F13A1: variants seen among roughly 807,000 people sequenced by gnomAD.
The protein encoded by F13A1 is FSF, A subunit.
Under a neutral mutation model 80.1 loss-of-function variants are expected in F13A1, and 47 were observed. The observed-to-expected ratio is 0.59, with a 90% CI of 0.46 to 0.75. The LOEUF (loss-of-function observed/expected upper bound fraction) is 0.75. Among genes scored for constraint, F13A1 ranks in the 30% least tolerant of loss-of-function variants. The probability of loss-of-function intolerance (pLI) is 0.00; values close to 1 mark genes in which losing one functional copy is unlikely to be tolerated. For missense variants in F13A1, 817 were observed against 930.4 expected (o/e 0.88, Z 1.59); for synonymous variants, 349 against 344.9 (o/e 1.01, Z -0.13).
chr6:6,282,045 G>A (rs370310206), intron 3 of F13A1, among the ~76,000 whole-genome samples: 8 of 151,788 alleles, frequency 5.3e-5, no homozygotes, highest in African/African-American at 1.9e-4. Context: ...CATGAATCAG[G>A]GGTCACCATA....
intron 11 of F13A1, among the ~76,000 whole-genome samples, chr6:6,180,413 T>G (rs150514014): frequency 6.6e-6 from 1 of 151,848 alleles, no homozygotes; most frequent in African/African-American, 2.4e-5. Flanking sequence ...GGGCTGTACA[T>G]GTATCCAGCT....
At chr6:6,189,647 G>T (rs1167238469) in intron 10 of F13A1, among the ~76,000 whole-genome samples, 4 of 142,956 alleles carry the variant, frequency 2.8e-5, no homozygotes. Context: ...CTCTCTGGCT[G>T]CCCTTAACAT....
intron 13 of F13A1, among the ~76,000 whole-genome samples, chr6:6,160,275 TA>T (rs375144806): frequency 1.0e-3 from 144 of 140,474 alleles, no homozygotes; most frequent in Non-Finnish European, 1.1e-3. Context: ...AGACTCCATC[TA>T]AAAAAAAAAA....
intron 12 of F13A1, among the ~76,000 whole-genome samples, chr6:6,173,794 G>A (rs1381410991): frequency 1.3e-5 from 2 of 152,026 alleles, no homozygotes; most frequent in African/African-American, 4.8e-5. Context: ...TCCTAACTTG[G>A]GCGAGAGGCA....
At chr6:6,265,332 G>A (rs1757829619) in intron 4 of F13A1, among the ~76,000 whole-genome samples, 1 of 152,152 alleles carries the variant, frequency 6.6e-6, no homozygotes, top group Admixed American at 6.5e-5. Flanking sequence ...GAAGTCTCCT[G>A]CCCCATGTGA....
At chr6:6,233,220 AAGAG>A (rs1006118814) in intron 6 of F13A1, among the ~76,000 whole-genome samples, 6 of 152,260 alleles carry the variant, frequency 3.9e-5, no homozygotes, top group African/African-American at 1.4e-4. Context: ...ATTAACCAAA[AAGAG>A]AGAAAATCCA....
rs1760361953 is a variant in F13A1 at position 6,150,880 on chromosome 6, G to A, written c.2045+933C>T. ...GAGAGAGAGAGCTGAAACCATGTTA[G>A]AGGAGAGGGAAATAAAGTCAGGACA... On this transcript the variant is annotated intron_variant, in intron 14 of 14. Transcript: ENST00000264870. Among the ~76,000 whole-genome samples, 3 of 152,274 alleles carry A rather than the reference G, an allele frequency of 2.0e-5. No homozygotes were observed. In the South Asian group the frequency reaches 6.2e-4, roughly 32 times the overall value.
At chr6:6,316,107 A>G (rs1218360666) in intron 2 of F13A1, among the ~76,000 whole-genome samples, 14 of 45,228 alleles carry the variant, frequency 3.1e-4, no homozygotes, top group South Asian at 7.0e-4. Context: ...ATATATATAT[A>G]TATATATATA....
chr6:6,301,439 A>G (rs1290540370), intron 3 of F13A1, among the ~76,000 whole-genome samples: 6 of 152,240 alleles, frequency 3.9e-5, no homozygotes, highest in East Asian at 1.9e-4. Context: ...TGTGTGACCT[A>G]TAATAGAAAA....
chr6:6,188,146 C>T (rs114838150), intron 10 of F13A1, among the ~76,000 whole-genome samples: 1,841 of 152,168 alleles, frequency 0.012, 47 homozygotes, highest in African/African-American at 0.042. Flanking sequence ...TGCGGTCTAT[C>T]AGTTTTGTTG....
intron 3 of F13A1, among the ~76,000 whole-genome samples, chr6:6,270,720 G>A (rs1757909241): frequency 6.6e-6 from 1 of 152,188 alleles, no homozygotes. Context: ...GTGGAGGAAG[G>A]TGGAGAATGG....
At chr6:6,151,675 C>T in intron 14 of F13A1, 138 bp downstream of exon 14, 2 of 1,210,012 alleles carry the variant, frequency 1.7e-6, no homozygotes, top group Non-Finnish European at 2.4e-6. Flanking sequence ...CCACGCCCTA[C>T]AGAAATGGTC....
rs115773780 is a variant in F13A1 at position 6,162,559 on chromosome 6, G to C, written c.1908+4899C>G. On this transcript the variant is annotated intron_variant, in intron 13 of 14. Coordinates refer to ENST00000264870, the MANE Select transcript of F13A1 (RefSeq NM_000129.4). This position sits in a 1 kb window ranked among gnomAD's most constrained non-coding sequence, Gnocchi z 4.2. ...TGTAGCCCAGCGGCTGCCAGCACAGGCTTCCAAGTCAGGAAGACCTGGGCC... is the reference window on the plus strand; with the variant it reads ...TGTAGCCCAGCGGCTGCCAGCACAGCCTTCCAAGTCAGGAAGACCTGGGCC... 6.6e-6 allele frequency among the ~76,000 whole-genome samples: 1 copy of C among 152,194 alleles called. No homozygotes were observed. Among genetic ancestry groups the C allele is most frequent in the South Asian group, 2.1e-4 (1 of 4,826 alleles).
chr6:6,239,208 G>A (rs1340552714), intron 6 of F13A1, among the ~76,000 whole-genome samples: 5 of 152,144 alleles, frequency 3.3e-5, no homozygotes, highest in African/African-American at 7.2e-5. Context: ...AACAGTTGAT[G>A]GAGTAAGAGA....
At chr6:6,294,642 G>A (rs188707053) in intron 3 of F13A1, among the ~76,000 whole-genome samples, 247 of 152,022 alleles carry the variant, frequency 1.6e-3, no homozygotes, top group Non-Finnish European at 1.1e-3. Flanking sequence ...AATATAGTGA[G>A]TGACAGTAAG....
At chr6:6,191,708 T>A (rs1278049159) in intron 10 of F13A1, among the ~76,000 whole-genome samples, 2 of 152,064 alleles carry the variant, frequency 1.3e-5, no homozygotes, top group African/African-American at 4.8e-5. Context: ...TTGGTTTGTT[T>A]ATTTGTTTCC....
chr6:6,254,801 C>G (rs9502427), intron 4 of F13A1, among the ~76,000 whole-genome samples: 28,516 of 152,106 alleles, frequency 0.19, 3,070 homozygotes, highest in African/African-American at 0.29. Flanking sequence ...GACATTACAA[C>G]AAAATGTTAA....
At chr6:6,156,114 C>G (rs972643867) in intron 13 of F13A1, among the ~76,000 whole-genome samples, 4 of 152,170 alleles carry the variant, frequency 2.6e-5, no homozygotes, top group Non-Finnish European at 4.4e-5. Context: ...TTTGCATATA[C>G]TTGATGGCCT....
chr6:6,228,044 G>T (rs1473662400), intron 6 of F13A1, among the ~76,000 whole-genome samples: 1 of 152,176 alleles, frequency 6.6e-6, no homozygotes, highest in Non-Finnish European at 1.5e-5. Context: ...GGACATGTTT[G>T]TCATTTTTCA....
Sources: gnomAD v4.1 joint callset for allele counts (sites outside exome capture counted in the v4.1 genomes callset) on GRCh38, gnomAD v4.1.1 for gene constraint, Gnocchi (gnomAD v3.1) non-coding constraint, MANE v1.5 for transcripts, NCBI Gene and HGNC (gene_info 2026-07-23, HGNC 2026-07-21) for gene names.